GRIK1: variants seen among roughly 807,000 people sequenced by gnomAD.
GRIK1 encodes glutamate receptor ionotropic, kainate 1.
GRIK1 carries 69 observed loss-of-function variants against 105.7 expected under a neutral mutation model. That is an observed-to-expected ratio of 0.65 (90% CI 0.54 to 0.80). GRIK1 has a LOEUF of 0.80. Among genes scored for constraint, GRIK1 ranks in the 30% least tolerant of loss-of-function variants. The pLI is 0.00. For missense variants in GRIK1, 1,109 were observed against 1,167.3 expected (o/e 0.95, Z 0.73); for synonymous variants, 438 against 431.3 (o/e 1.02, Z -0.19).
chr21:29,596,219 C>A (rs2061409679), intron 9 of GRIK1: 3 of 465,038 alleles, frequency 6.5e-6, no homozygotes, highest in African/African-American at 4.0e-5. Context: ...TCAGTGTCTC[C>A]TTCTGTTACA....
chr21:29,782,836 C>A (rs1033047805), intron 1 of GRIK1, among the ~76,000 whole-genome samples: 53 of 152,200 alleles, frequency 3.5e-4, no homozygotes, highest in African/African-American at 1.2e-3. Context: ...CAGTATTACA[C>A]ACGGAGGCTT....
intron 1 of GRIK1, among the ~76,000 whole-genome samples, chr21:29,839,552 G>C (rs1000633177): frequency 4.6e-5 from 7 of 152,316 alleles, no homozygotes; most frequent in Non-Finnish European, 8.8e-5. Flanking sequence ...AAGGGAAAAA[G>C]TGAGACTTGG....
chr21:29,872,728 T>A (rs2069062360), intron 1 of GRIK1, among the ~76,000 whole-genome samples: 1 of 152,098 alleles, frequency 6.6e-6, no homozygotes, highest in Non-Finnish European at 1.5e-5. Flanking sequence ...AAGAGAAGCT[T>A]GTGCAGGGAA....
chr21:29,907,169 A>C (rs1473218018), intron 1 of GRIK1, among the ~76,000 whole-genome samples: 1 of 151,720 alleles, frequency 6.6e-6, no homozygotes, highest in Non-Finnish European at 1.5e-5. Flanking sequence ...CTACTCTTAC[A>C]GAAAAAAAAA....
At chr21:29,814,629 A>G (rs2067105133) in intron 1 of GRIK1, among the ~76,000 whole-genome samples, 1 of 152,254 alleles carries the variant, frequency 6.6e-6, no homozygotes, top group South Asian at 2.1e-4. Context: ...CCGACTATGT[A>G]TTACAGGTTT....
In GRIK1 at chr21:29,806,356, CT is replaced by C. The variant is rs954698046; in HGVS notation, c.119-112294del. On this transcript the variant is annotated intron_variant, in intron 1 of 17. Coordinates refer to ENST00000327783, the MANE Select transcript of GRIK1 (RefSeq NM_001330994.2). Reference sequence around the variant, plus strand: ...CCAATTATCCAATTAAGTTACAAAGCTTTTTTTTTTCTCTCAATACAAAACC... The same window carrying C: ...CCAATTATCCAATTAAGTTACAAAGCTTTTTTTTTCTCTCAATACAAAACC... Among the ~76,000 whole-genome samples the C allele has an allele frequency of 3.0e-4, 44 of 148,600 alleles. No homozygotes were observed. In the South Asian group the frequency reaches 3.7e-3, roughly 12 times the overall value.
At chr21:29,916,942 C>T (rs1039496875) in intron 1 of GRIK1, among the ~76,000 whole-genome samples, 4 of 151,950 alleles carry the variant, frequency 2.6e-5, no homozygotes, top group Non-Finnish European at 5.9e-5. Flanking sequence ...GATACATACA[C>T]ACACAGATTC....
intron 1 of GRIK1, among the ~76,000 whole-genome samples, chr21:29,853,644 C>T (rs1223078278): frequency 1.3e-5 from 2 of 152,172 alleles, no homozygotes; most frequent in Non-Finnish European, 2.9e-5. Flanking sequence ...GCATATGACT[C>T]ATGGGAATGT....
At chr21:29,539,304 T>G (rs1384846809) in intron 16 of GRIK1, among the ~76,000 whole-genome samples, 2 of 152,190 alleles carry the variant, frequency 1.3e-5, no homozygotes, top group Non-Finnish European at 2.9e-5. Context: ...TAACTTACAG[T>G]TTAGCCTAGC....
At chr21:29,585,083 C>T (rs933648331) in intron 12 of GRIK1, among the ~76,000 whole-genome samples, 3 of 151,944 alleles carry the variant, frequency 2.0e-5, no homozygotes, top group East Asian at 1.9e-4. Context: ...AACACCTCCA[C>T]GTGTGAACCA....
chr21:29,925,078 A>G (rs1040520839), intron 1 of GRIK1, among the ~76,000 whole-genome samples: 1 of 152,230 alleles, frequency 6.6e-6, no homozygotes, highest in Non-Finnish European at 1.5e-5. Flanking sequence ...AAGTGTTCTT[A>G]TTACTACGTG....
rs921784362 is a variant in GRIK1, at chr21:29,621,617, A to T, written c.1098+21209T>A. Reference sequence around the variant, plus strand: ...TGCCCAGTATTATCTAGATTTTAAAATGGAAGGTCCCATGTCCAGGGGAGA... The same window carrying T: ...TGCCCAGTATTATCTAGATTTTAAATTGGAAGGTCCCATGTCCAGGGGAGA... On this transcript the variant is annotated intron_variant, in intron 7 of 17. Coordinates refer to ENST00000327783, the MANE Select transcript of GRIK1 (RefSeq NM_001330994.2). Among the ~76,000 whole-genome samples the T allele has an allele frequency of 2.0e-4, 31 of 152,206 alleles. 1 individual carries two copies. Among genetic ancestry groups the T allele is most frequent in the Admixed American group, 5.2e-4 (8 of 15,272 alleles).
At chr21:29,875,391 T>C (rs964730425) in intron 1 of GRIK1, among the ~76,000 whole-genome samples, 2 of 152,180 alleles carry the variant, frequency 1.3e-5, no homozygotes, top group African/African-American at 4.8e-5. Flanking sequence ...TGCTCCAAAG[T>C]GGTCTTGTTT....
At chr21:29,682,256 T>C (rs1288552353) in intron 3 of GRIK1, among the ~76,000 whole-genome samples, 2 of 152,244 alleles carry the variant, frequency 1.3e-5, no homozygotes, top group Admixed American at 1.3e-4. Context: ...TCAGTAGCCA[T>C]TAACTTCTAT....
intron 1 of GRIK1, among the ~76,000 whole-genome samples, chr21:29,707,438 CCCTCCCTCCCTCCCT>C (rs2063935797): frequency 5.5e-4 from 1 of 1,810 alleles, no homozygotes; most frequent in Non-Finnish European, 2.9e-3. Flanking sequence ...CTTCCTCCCT[CCCTCCCTCCCTCCCT>C]CCCTCCCTCC....
intron 1 of GRIK1, among the ~76,000 whole-genome samples, chr21:29,768,166 G>A (rs1175860479): frequency 6.6e-6 from 1 of 152,180 alleles, no homozygotes; most frequent in African/African-American, 2.4e-5. Flanking sequence ...TGGGGAAGAT[G>A]TTCTTCAGGA....
rs1396633171 is a variant in GRIK1 at position 29,834,412 on chromosome 21, A to G, written c.118+104971T>C. Among the ~76,000 whole-genome samples the G allele has an allele frequency of 3.3e-5, 5 of 151,016 alleles. No individual in the cohort carries two copies. The East Asian group carries it at 5.8e-4, about 18-fold the overall frequency. On this transcript the variant is annotated intron_variant, in intron 1 of 17. Transcript: ENST00000327783. Reference sequence around the variant, plus strand: ...ATAGAAGAGATTATTCTTCTGCACTATAACCCATTACCACTACTAACCATC... The same window carrying G: ...ATAGAAGAGATTATTCTTCTGCACTGTAACCCATTACCACTACTAACCATC...
chr21:29,599,979 G>A (rs947705033), intron 7 of GRIK1, among the ~76,000 whole-genome samples: 1 of 152,094 alleles, frequency 6.6e-6, no homozygotes, highest in South Asian at 2.1e-4. Flanking sequence ...CCAGCTACTC[G>A]GGAGGCTGAG....
At chr21:29,749,603 G>T (rs1423077569) in intron 1 of GRIK1, among the ~76,000 whole-genome samples, 1 of 152,148 alleles carries the variant, frequency 6.6e-6, no homozygotes, top group Non-Finnish European at 1.5e-5. Flanking sequence ...GCCACATTTG[G>T]GTCTTTATCA....
Sources: gnomAD v4.1 joint callset for allele counts (sites outside exome capture counted in the v4.1 genomes callset) on GRCh38, gnomAD v4.1.1 for gene constraint, MANE v1.5 for transcripts, NCBI Gene and HGNC (gene_info 2026-07-23, HGNC 2026-07-21) for gene names.